PCDH9: variants seen among roughly 807,000 people sequenced by gnomAD.
PCDH9 encodes protocadherin 9.
In PCDH9, 24 loss-of-function variants were observed where a neutral mutation model predicts 70.6. The observed-to-expected ratio is 0.34, with a 90% CI of 0.25 to 0.48. The LOEUF (loss-of-function observed/expected upper bound fraction) is 0.48, where lower values mean the gene tolerates loss of function less well. PCDH9 is among the 20% of genes least tolerant of loss of function. PCDH9 has a pLI of 0.99. For synonymous variants in PCDH9, 562 were observed against 558.5 expected (o/e 1.01, Z -0.09); for missense variants, 1,281 against 1,503.6 (o/e 0.85, Z 2.45).
At chr13:66,831,065 T>C (rs897580327) in intron 3 of PCDH9, among the ~76,000 whole-genome samples, 1 of 152,172 alleles carries the variant, frequency 6.6e-6, no homozygotes, top group Non-Finnish European at 1.5e-5. Flanking sequence ...ATACAGACTC[T>C]AGGAGGTTTA....
At chr13:66,359,086 A>G (rs1956428426) in intron 4 of PCDH9, among the ~76,000 whole-genome samples, 1 of 152,036 alleles carries the variant, frequency 6.6e-6, no homozygotes, top group Non-Finnish European at 1.5e-5. Context: ...CATAAGAGTA[A>G]GGTGAAACAT....
intron 2 of PCDH9, among the ~76,000 whole-genome samples, chr13:66,952,238 A>G (rs957888307): frequency 6.6e-6 from 1 of 152,146 alleles, no homozygotes; most frequent in Non-Finnish European, 1.5e-5. Context: ...CTTGGGTAGT[A>G]ATTGATACAA....
chr13:66,355,218 G>A (rs1057023533), intron 4 of PCDH9, among the ~76,000 whole-genome samples: 2 of 151,998 alleles, frequency 1.3e-5, no homozygotes, highest in African/African-American at 4.8e-5. Context: ...AGCAAGTACA[G>A]TTGGTCCTGT....
chr13:66,573,332 G>A (rs1254180917), intron 4 of PCDH9, among the ~76,000 whole-genome samples: 1 of 126,020 alleles, frequency 7.9e-6, no homozygotes, highest in Admixed American at 8.6e-5. Flanking sequence ...CTAATCCTTT[G>A]TTGGATAGAT....
intron 4 of PCDH9, among the ~76,000 whole-genome samples, chr13:66,449,938 T>C (rs574987090): frequency 6.6e-6 from 1 of 152,328 alleles, no homozygotes; most frequent in East Asian, 1.9e-4. Flanking sequence ...ACATATTTTA[T>C]CAATTATACT....
intron 4 of PCDH9, among the ~76,000 whole-genome samples, chr13:66,442,325 A>G (rs1431820606): frequency 6.6e-6 from 1 of 152,318 alleles, no homozygotes; most frequent in East Asian, 1.9e-4. Flanking sequence ...ATGAAATCAC[A>G]TACTCTGGTC....
chr13:67,094,025 A>C (rs1408882521), intron 2 of PCDH9, among the ~76,000 whole-genome samples: 1 of 152,194 alleles, frequency 6.6e-6, no homozygotes, highest in Non-Finnish European at 1.5e-5. Context: ...TGAAGAATAC[A>C]TATGCTGATT....
At position 67,227,853 on chromosome 13, in the gene PCDH9, T is replaced by C; in HGVS notation, c.588A>G (p.Pro196=). 1.2e-6 allele frequency: 2 copies of C among 1,614,038 alleles called. No homozygotes were observed. Among genetic ancestry groups the C allele is most frequent in the Non-Finnish European group, 1.7e-6 (2 of 1,179,892 alleles). The part of the protein sequence containing the change: ...SVFGLDIVET[P]EGEKWPQLIV... ...TCAGTTGTGGCCACTTCTCTCCCTC[T>C]GGAGTTTCCACGATATCCAGTCCAA... Residue 196 remains proline, a synonymous_variant, in exon 2 of 5, where the codon CCA becomes CCG. Transcript: ENST00000377865. This position sits in a 1 kb window ranked among gnomAD's most constrained non-coding sequence, Gnocchi z 4.6.
At chr13:66,491,758 T>C (rs924748385) in intron 4 of PCDH9, among the ~76,000 whole-genome samples, 3 of 152,166 alleles carry the variant, frequency 2.0e-5, no homozygotes, top group Admixed American at 1.3e-4. Context: ...AAGTTTTTAA[T>C]GCAGGTTTTT....
chr13:66,488,985 G>A (rs1958990617), intron 4 of PCDH9, among the ~76,000 whole-genome samples: 1 of 152,012 alleles, frequency 6.6e-6, no homozygotes, highest in African/African-American at 2.4e-5. Context: ...ACTGAAATAT[G>A]TGTTCGTATA....
At chr13:66,861,838 A>G (rs866437230) in intron 3 of PCDH9, among the ~76,000 whole-genome samples, 1 of 152,234 alleles carries the variant, frequency 6.6e-6, no homozygotes, top group African/African-American at 2.4e-5. Context: ...TACCATTAAC[A>G]AAATCACAGG....
intron 4 of PCDH9, among the ~76,000 whole-genome samples, chr13:66,546,075 T>C (rs1056305125): frequency 9.2e-5 from 14 of 151,930 alleles, no homozygotes; most frequent in African/African-American, 3.4e-4. Flanking sequence ...CCTGACCTCA[T>C]GATCCATCCA....
rs1333285449 is a variant in PCDH9, at chr13:66,465,799, T to C, written c.3341-160771A>G. ...TAAAATAAATGCATAAGTTTCTAAC[T>C]GGAATATTTTCTATATTAGCCAATA... On this transcript the variant is annotated intron_variant, in intron 4 of 4. Transcript: ENST00000377865. 2.0e-5 allele frequency among the ~76,000 whole-genome samples: 3 copies of C among 151,966 alleles called. No individual in the cohort carries two copies. The East Asian group carries it at 5.8e-4, about 29-fold the overall frequency.
At chr13:66,821,446 C>T (rs2080710445) in intron 3 of PCDH9, among the ~76,000 whole-genome samples, 2 of 152,110 alleles carry the variant, frequency 1.3e-5, no homozygotes, top group South Asian at 2.1e-4. Context: ...CTGAGACATT[C>T]TGGGAAGCCA....
intron 2 of PCDH9, among the ~76,000 whole-genome samples, chr13:66,997,823 G>A (rs1024691936): frequency 1.5e-4 from 23 of 152,224 alleles, no homozygotes; most frequent in Admixed American, 8.5e-4. Context: ...ATGAGCCACC[G>A]CGCCTGGACT....
chr13:66,398,571 T>A (rs1957141082), intron 4 of PCDH9, among the ~76,000 whole-genome samples: 1 of 152,128 alleles, frequency 6.6e-6, no homozygotes, highest in Admixed American at 6.6e-5. Context: ...AGTTTATAGA[T>A]AACATTTAAA....
intron 3 of PCDH9, among the ~76,000 whole-genome samples, chr13:66,693,120 G>T (rs542854087): frequency 3.9e-5 from 6 of 152,076 alleles, no homozygotes; most frequent in Admixed American, 2.0e-4. Flanking sequence ...TTTATTCCAC[G>T]TTCTATCCTA....
intron 4 of PCDH9, among the ~76,000 whole-genome samples, chr13:66,387,221 G>C (rs1271153955): frequency 6.6e-6 from 1 of 152,148 alleles, no homozygotes; most frequent in Non-Finnish European, 1.5e-5. Flanking sequence ...AGCCAACCTA[G>C]TAAGCAACAG....
Position 66,994,240 on chromosome 13 carries a change from C to A in PCDH9, c.3037-90635G>T, listed in dbSNP as rs71446831. Among the ~76,000 whole-genome samples, 1,404 of 152,150 alleles carry A rather than the reference C, an allele frequency of 9.2e-3. 14 individuals are homozygous for A. The highest frequency in any genetic ancestry group is 0.017 in the Middle Eastern group (5 of 294). ...AGTGATGAAACTGATTCCAGGAATG[C>A]AAAAAAGAAACCAAGAAACTGGCAC... On this transcript the variant is annotated intron_variant, in intron 2 of 4. Transcript: ENST00000377865.
Sources: allele counts gnomAD v4.1 joint callset (sites outside exome capture counted in the v4.1 genomes callset), GRCh38; gene constraint gnomAD v4.1.1; non-coding constraint Gnocchi (gnomAD v3.1); transcripts MANE v1.5; gene names NCBI Gene and HGNC (gene_info 2026-07-23, HGNC 2026-07-21).